ZNF704: variants seen among roughly 807,000 people sequenced by gnomAD.
ZNF704 encodes glucocorticoid induced gene 1.
ZNF704 carries 10 observed loss-of-function variants against 44.7 expected under a neutral mutation model. That is an observed-to-expected ratio of 0.22 (90% CI 0.14 to 0.38). ZNF704 has a LOEUF of 0.38. ZNF704 is among the 10% of genes least tolerant of loss of function. The pLI is 1.00. For missense variants in ZNF704, 390 were observed against 545.5 expected (o/e 0.71, Z 2.84); for synonymous variants, 211 against 207.6 (o/e 1.02, Z -0.14).
intron 2 of ZNF704, among the ~76,000 whole-genome samples, chr8:80,727,547 A>G (rs990384341): frequency 2.0e-5 from 3 of 152,118 alleles, no homozygotes; most frequent in African/African-American, 7.2e-5. Context: ...CGGGTTTTAA[A>G]TAATTCATCA....
intron 2 of ZNF704, among the ~76,000 whole-genome samples, chr8:80,804,649 G>A (rs1421749999): frequency 1.3e-5 from 2 of 152,076 alleles, no homozygotes; most frequent in Non-Finnish European, 2.9e-5. Context: ...GACACATGGT[G>A]GGGAAAAACA....
chr8:80,675,427 G>A (rs1460080253), intron 4 of ZNF704, among the ~76,000 whole-genome samples: 1 of 151,964 alleles, frequency 6.6e-6, no homozygotes, highest in Non-Finnish European at 1.5e-5. Flanking sequence ...TAAAAGAGAA[G>A]TTACTGAAGG....
At chr8:80,733,269 T>A (rs566769798) in intron 2 of ZNF704, among the ~76,000 whole-genome samples, 2 of 152,212 alleles carry the variant, frequency 1.3e-5, no homozygotes, top group African/African-American at 4.8e-5. Context: ...GAGCCCTGTG[T>A]TTCCATTATC....
chr8:80,755,548 G>T (rs116786489), intron 2 of ZNF704, among the ~76,000 whole-genome samples: 1 of 152,208 alleles, frequency 6.6e-6, no homozygotes, highest in African/African-American at 2.4e-5. Flanking sequence ...GTGATTCCCA[G>T]TGTCTCTAAA....
At chr8:80,764,937 A>G (rs1242966000) in intron 2 of ZNF704, among the ~76,000 whole-genome samples, 1 of 152,196 alleles carries the variant, frequency 6.6e-6, no homozygotes, top group Non-Finnish European at 1.5e-5. Flanking sequence ...TGGAACCAAT[A>G]GCATATGCAT....
chr8:80,681,408 C>T (rs911481833), intron 4 of ZNF704, among the ~76,000 whole-genome samples: 14 of 151,992 alleles, frequency 9.2e-5, no homozygotes, highest in Non-Finnish European at 1.5e-4. Flanking sequence ...CTGTATAATT[C>T]CATTTACTTG....
rs1018123041 is a variant in ZNF704 at position 80,759,475 on chromosome 8, G to A, written c.221+61899C>T. ...GTGTGGCAGGACCTACGACTTGTTTGTAACCAAGAGAATATGGCAAAGGTG... is the reference window on the plus strand; with the variant it reads ...GTGTGGCAGGACCTACGACTTGTTTATAACCAAGAGAATATGGCAAAGGTG... On this transcript the variant is annotated intron_variant, in intron 2 of 8. Coordinates refer to ENST00000327835, the MANE Select transcript of ZNF704 (RefSeq NM_001033723.3). Among the ~76,000 whole-genome samples the A allele has an allele frequency of 3.3e-4, 50 of 152,046 alleles. 1 individual carries two copies. Among genetic ancestry groups the A allele is most frequent in the Admixed American group, 1.3e-4 (2 of 15,266 alleles).
intron 4 of ZNF704, among the ~76,000 whole-genome samples, chr8:80,681,005 C>A (rs1027522271): frequency 2.0e-5 from 3 of 152,148 alleles, no homozygotes; most frequent in African/African-American, 7.2e-5. Flanking sequence ...TCCCCCTCTG[C>A]ATAATGTTTT....
chr8:80,763,558 C>T (rs116254624), intron 2 of ZNF704, among the ~76,000 whole-genome samples: 3 of 152,278 alleles, frequency 2.0e-5, no homozygotes, highest in African/African-American at 4.8e-5. Context: ...GGGTCCTGGA[C>T]CTGGCTCAGA....
Position 80,639,714 on chromosome 8 carries a change from G to T in ZNF704, c.*1652C>A, listed in dbSNP as rs567491087. 6.6e-6 allele frequency: 1 copy of T among 152,582 alleles called. No homozygotes were observed. Among genetic ancestry groups the T allele is most frequent in the East Asian group, 1.9e-4 (1 of 5,170 alleles). 9.5% of individuals were successfully genotyped at this position (152,582 alleles called of 1,614,324 possible). On this transcript the variant is annotated 3_prime_UTR_variant, in exon 9 of 9. Coordinates refer to ENST00000327835, the MANE Select transcript of ZNF704 (RefSeq NM_001033723.3). ...AACCTCCTTATACTTTCTTTTGCTT[G>T]TATATAAAAAGAATATCTGTCATTA...
intron 7 of ZNF704, among the ~76,000 whole-genome samples, chr8:80,651,913 G>A (rs1198025524): frequency 6.6e-6 from 1 of 152,062 alleles, no homozygotes; most frequent in African/African-American, 2.4e-5. Flanking sequence ...CCACATAGTT[G>A]GAAGTAAAGC....
At chr8:80,813,633 T>C (rs1199674728) in intron 2 of ZNF704, among the ~76,000 whole-genome samples, 1 of 152,088 alleles carries the variant, frequency 6.6e-6, no homozygotes, top group Non-Finnish European at 1.5e-5. Flanking sequence ...ATCCCAGCAC[T>C]TTGGGAGGCC....
At chr8:80,710,402 C>T (rs1818966631) in intron 2 of ZNF704, among the ~76,000 whole-genome samples, 1 of 152,102 alleles carries the variant, frequency 6.6e-6, no homozygotes, top group Non-Finnish European at 1.5e-5. Flanking sequence ...GATGAGGAAA[C>T]AGCCACAGAG....
intron 7 of ZNF704, among the ~76,000 whole-genome samples, chr8:80,648,015 T>C (rs1817859975): frequency 6.6e-6 from 1 of 152,188 alleles, no homozygotes; most frequent in Non-Finnish European, 1.5e-5. Context: ...AACGGCCTTC[T>C]CGCTGTGTCA....
At chr8:80,753,216 A>T (rs1806977686) in intron 2 of ZNF704, among the ~76,000 whole-genome samples, 1 of 152,188 alleles carries the variant, frequency 6.6e-6, no homozygotes, top group African/African-American at 2.4e-5. Context: ...TGGAGATGAG[A>T]GTGCAAAGCA....
chr8:80,747,032 T>C (rs1806857430), intron 2 of ZNF704, among the ~76,000 whole-genome samples: 1 of 152,188 alleles, frequency 6.6e-6, no homozygotes, highest in South Asian at 2.1e-4. Flanking sequence ...TTTGACAACA[T>C]GCTGTCTTCC....
intron 7 of ZNF704, among the ~76,000 whole-genome samples, chr8:80,659,210 CTAAG>C (rs1473654357): frequency 2.6e-5 from 4 of 152,110 alleles, no homozygotes; most frequent in South Asian, 2.1e-4. Flanking sequence ...AGAACACTTC[CTAAG>C]TAATAAATTT....
intron 2 of ZNF704, among the ~76,000 whole-genome samples, chr8:80,708,731 CTCAT>C (rs1228853635): frequency 1.3e-5 from 2 of 152,006 alleles, no homozygotes; most frequent in Non-Finnish European, 2.9e-5. Flanking sequence ...GTTGGAATTA[CTCAT>C]TCAATCTATC....
intron 1 of ZNF704, among the ~76,000 whole-genome samples, chr8:80,854,270 T>C (rs1808920896): frequency 6.6e-6 from 1 of 152,178 alleles, no homozygotes; most frequent in South Asian, 2.1e-4. Context: ...CCCTTAAAAG[T>C]AAAGCTTCTC....
Sources: allele counts gnomAD v4.1 joint callset (sites outside exome capture counted in the v4.1 genomes callset), GRCh38; gene constraint gnomAD v4.1.1; transcripts MANE v1.5; gene names NCBI Gene and HGNC (gene_info 2026-07-23, HGNC 2026-07-21).